DECR2: variants seen among roughly 807,000 people sequenced by gnomAD.
DECR2 encodes the protein 2,4-dienoyl-CoA reductase 2.
In DECR2, 34 loss-of-function variants were observed where a neutral mutation model predicts 29.2. The ratio of observed to expected loss-of-function variants is 1.16; its 90% CI spans 0.89 to 1.55. The LOEUF is 1.55. DECR2 is among the 40% of genes most tolerant of loss of function. DECR2 has a pLI of 0.00. For missense variants in DECR2, 485 were observed against 425.3 expected (o/e 1.14, Z -1.23); for synonymous variants, 224 against 182.7 (o/e 1.23, Z -1.82).
chr16:411,481 C>T lies in DECR2; in HGVS notation c.782C>T (p.Thr261Met), dbSNP rs367552533. The T allele has an allele frequency of 2.0e-5, 32 of 1,613,826 alleles. No homozygotes were observed. Among genetic ancestry groups the T allele is most frequent in the Middle Eastern group, 1.6e-4 (1 of 6,084 alleles). ...GCCAGCCCTCTGGCTTCCTACGTGA[C>T]GGGGGCCGTGCTGGTGGCCGATGGC... Reference protein sequence around the residue: ...YLASPLASYVTGAVLVADGGA... With the variant: ...YLASPLASYVMGAVLVADGGA... Residue 261 changes from threonine (T) to methionine (M), a missense_variant, in exon 8 of 9, where the codon ACG (threonine) becomes ATG (methionine). Transcript: ENST00000219481.
chr16:408,450 G>T (rs1429287624), intron 4 of DECR2, among the ~76,000 whole-genome samples: 2 of 152,008 alleles, frequency 1.3e-5, no homozygotes, highest in Admixed American at 1.3e-4. Context: ...TGGACGCCAT[G>T]AACACAGCTC....
intron 2 of DECR2, chr16:405,431 CCT>C (rs2054713278): frequency 2.1e-6 from 2 of 937,942 alleles, no homozygotes; most frequent in Non-Finnish European, 2.9e-6. Flanking sequence ...CCTCAGTTCC[CCT>C]GAGGCCCCTG....
chr16:411,419 G>A lies in DECR2; in HGVS notation c.720G>A (p.Gly240=). Residue 240 remains glycine (G), a synonymous_variant, in exon 8 of 9, where the codon GGG becomes GGA. Transcript: ENST00000219481. ...KVTASPLQRL[G]NKTEIAHSVL... is the part of the protein sequence containing the mutation. ...CTGCCAGCCCGCTGCAGAGGCTGGG[G>A]AACAAGACCGAGATCGCCCACAGCG... is the stretch of plus-strand genomic sequence containing the variant. The A allele has an allele frequency of 6.2e-7, 1 of 1,613,164 alleles. No individual in the cohort carries two copies. The highest frequency in any genetic ancestry group is 8.5e-7 in the Non-Finnish European group (1 of 1,179,994).
At chr16:403,638 C>G (rs765433549) in intron 1 of DECR2, among the ~76,000 whole-genome samples, 8 of 152,182 alleles carry the variant, frequency 5.3e-5, no homozygotes, top group African/African-American at 1.9e-4. Flanking sequence ...ACCCTTTCCC[C>G]CACTGCACTT....
At chr16:411,644 GTC>G in intron 8 of DECR2, 66 bp downstream of exon 8, 1 of 1,532,290 alleles carries the variant, frequency 6.5e-7, no homozygotes, top group Non-Finnish European at 8.9e-7. Context: ...GCATGGGCAG[GTC>G]TCTGCGGGAC....
chr16:407,179 G>A, intron 3 of DECR2: 2 of 1,332,854 alleles, frequency 1.5e-6, no homozygotes, highest in Non-Finnish European at 1.9e-6. Context: ...GGGTGACAGT[G>A]GCCTGGAGGG....
intron 8 of DECR2, 62 bp downstream of exon 8, chr16:411,640 G>A (rs2054821200): frequency 6.5e-7 from 1 of 1,542,846 alleles, no homozygotes; most frequent in African/African-American, 1.4e-5. Flanking sequence ...CACTGCATGG[G>A]CAGGTCTCTG....
chr16:411,085 C>A lies in DECR2; in HGVS notation c.661+9C>A, dbSNP rs891679548. On this transcript the variant is annotated intron_variant, in intron 7 of 8. Transcript: ENST00000219481. ...GGGGCTCCGGCGACTGGGTAAGGCTCTCAGGGAGCCCAGGCCTCCCACAGA... is the reference window on the plus strand; with the variant it reads ...GGGGCTCCGGCGACTGGGTAAGGCTATCAGGGAGCCCAGGCCTCCCACAGA... 6.6e-7 allele frequency: 1 copy of A among 1,505,064 alleles called. No individual in the cohort carries two copies. Among genetic ancestry groups the A allele is most frequent in the East Asian group, 2.4e-5 (1 of 41,816 alleles). 93.2% of individuals were successfully genotyped at this position (1,505,064 alleles called of 1,614,324 possible).
At chr16:409,452 G>T (rs1597205196) in intron 4 of DECR2, 1 of 149,742 alleles carries the variant, frequency 6.7e-6, no homozygotes, top group Admixed American at 6.7e-5. Flanking sequence ...TTACAGGCGT[G>T]AGCCACCACG....
At chr16:406,245 A>T in intron 2 of DECR2, 101 bp from the exon 3 acceptor site, 1 of 1,288,056 alleles carries the variant, frequency 7.8e-7, no homozygotes, top group Non-Finnish European at 1.1e-6. Context: ...TTCAGCCTGG[A>T]CTGGTACTTC....
In DECR2 at chr16:401,946, G is replaced by C. The variant is rs780630794; in HGVS notation, c.-18G>C. ...GCCGCTCCCGCCCGTTGTCCCCGCA[G>C]TCCCCGACGGGAGCGCCATGGCCCA... is the stretch of plus-strand genomic sequence containing the variant. On this transcript the variant is annotated 5_prime_UTR_variant, in exon 1 of 9. Transcript: ENST00000219481. 2.0e-6 allele frequency: 3 copies of C among 1,480,878 alleles called. No individual in the cohort carries two copies. The highest frequency in any genetic ancestry group is 2.9e-5 in the African/African-American group (2 of 68,478). The allele number at this position is 1,480,878 out of a possible 1,614,324, so 91.7% of individuals were successfully genotyped here.
At chr16:404,870 C>A (rs2054706269) in intron 1 of DECR2, 86 bp from the exon 2 acceptor site, 1 of 1,328,556 alleles carries the variant, frequency 7.5e-7, no homozygotes, top group African/African-American at 1.5e-5. Flanking sequence ...CCTTGTGGCC[C>A]ACCCACCTTG....
rs2054731615 is a variant in DECR2, at chr16:406,882, G to T, written c.201+485G>T. ...GCACCTCAGCCTCCCAAAGTGCCAG[G>T]ATTACAGGTGTGAACCACTGTGCCC... On this transcript the variant is annotated intron_variant, in intron 3 of 8. Coordinates refer to ENST00000219481, the MANE Select transcript of DECR2 (RefSeq NM_020664.4). 2.9e-6 allele frequency: 3 copies of T among 1,036,728 alleles called. No individual in the cohort carries two copies. In the South Asian group the frequency reaches 9.3e-5, roughly 32 times the overall value. 64.2% of individuals were successfully genotyped at this position (1,036,728 alleles called of 1,614,324 possible).
intron 1 of DECR2, among the ~76,000 whole-genome samples, chr16:403,882 TAAA>T (rs907480050): frequency 2.6e-5 from 4 of 151,492 alleles, no homozygotes; most frequent in African/African-American, 9.7e-5. Context: ...TGTCTCAAAA[TAAA>T]TAAATAGGCC....
chr16:410,640 G>C lies in DECR2; in HGVS notation c.463-51G>C. ...GACAGCCACCCGCTCACTGTCCTGT[G>C]ACCTCCCCCGACACCCGCCCGCTCA... is the stretch of plus-strand genomic sequence containing the variant. On this transcript the variant is annotated intron_variant, in intron 5 of 8. Coordinates refer to ENST00000219481, the MANE Select transcript of DECR2 (RefSeq NM_020664.4). This position sits in a 1 kb window ranked among gnomAD's most constrained non-coding sequence, Gnocchi z 4.1. 1 of 1,526,804 alleles carries C rather than the reference G, an allele frequency of 6.5e-7. No homozygotes were observed. The highest frequency in any genetic ancestry group is 1.2e-5 in the South Asian group (1 of 84,422). The allele number at this position is 1,526,804 out of a possible 1,614,324, so 94.6% of individuals were successfully genotyped here. A position where few individuals can be genotyped will look rare whatever the true frequency, so the allele number is the denominator to read the frequency against.
chr16:407,824 C>T (rs1436646493), intron 4 of DECR2, among the ~76,000 whole-genome samples: 3 of 145,186 alleles, frequency 2.1e-5, no homozygotes, highest in African/African-American at 7.7e-5. Context: ...TGTCTTCGGC[C>T]GCATCTCCGG....
At chr16:409,486 TCA>T (rs2054784429) in intron 4 of DECR2, 1 of 152,062 alleles carries the variant, frequency 6.6e-6, no homozygotes, top group African/African-American at 2.4e-5. Flanking sequence ...TTTTTTTAAA[TCA>T]CAGTTTTAGG....
At chr16:407,344 A>C (rs969016569) in intron 3 of DECR2, 81 bp from the exon 4 acceptor site, 7 of 1,503,902 alleles carry the variant, frequency 4.7e-6, no homozygotes, top group Non-Finnish European at 6.2e-6. Flanking sequence ...ACCCGGAAGC[A>C]TCGTCCTCTG....
At position 410,269 on chromosome 16, in the gene DECR2, G is replaced by A. The variant is rs74944003; in HGVS notation, c.364G>A (p.Ala122Thr). Reference protein sequence around the residue: ...NCAAGNFLCPAGALSFNAFKT... With the variant: ...NCAAGNFLCPTGALSFNAFKT... ...TGCGGCCGGGAACTTCCTGTGCCCC[G>A]CTGGCGCCTTGTCCTTCAACGCCTT... The change falls in exon 5 of 9, where the codon GCT (alanine) becomes ACT (threonine). Residue 122 changes from alanine to threonine, a missense_variant. Ala to Thr is a moderately conservative substitution (Grantham distance 58). Coordinates refer to ENST00000219481, the MANE Select transcript of DECR2 (RefSeq NM_020664.4). The surrounding 1 kb of genome is among the most constrained non-coding windows in gnomAD (Gnocchi z 4.1). 2.0e-5 allele frequency: 33 copies of A among 1,613,288 alleles called. No individual in the cohort carries two copies. The highest frequency in any genetic ancestry group is 1.3e-4 in the South Asian group (12 of 91,054).
Sources: gnomAD v4.1 joint callset for allele counts (sites outside exome capture counted in the v4.1 genomes callset) on GRCh38, gnomAD v4.1.1 for gene constraint, Gnocchi (gnomAD v3.1) non-coding constraint, MANE v1.5 for transcripts, NCBI Gene and HGNC (gene_info 2026-07-23, HGNC 2026-07-21) for gene names.